CSTPP1: variants seen among roughly 807,000 people sequenced by gnomAD.
The protein encoded by CSTPP1 is UPF0705 protein C11orf49.
At chr11:46,964,179 A>G in the CSTPP1 span, among the ~76,000 whole-genome samples, 7 of 152,130 alleles carry the variant, frequency 4.6e-5, no homozygotes, top group African/African-American at 1.7e-4. Context: ...ACCTTGTGAT[A>G]TGGCAGCTTT....
the CSTPP1 span, among the ~76,000 whole-genome samples, chr11:47,059,741 T>C: frequency 1.3e-5 from 2 of 152,340 alleles, no homozygotes; most frequent in South Asian, 4.1e-4. Context: ...AATGTTTACA[T>C]GTATTCATTC....
the CSTPP1 span, among the ~76,000 whole-genome samples, chr11:47,107,414 G>A: frequency 1.3e-5 from 2 of 152,122 alleles, no homozygotes; most frequent in African/African-American, 4.8e-5. Context: ...AGGATCTTTT[G>A]TTCTGTCCTT....
chr11:47,085,471 T>C, the CSTPP1 span, among the ~76,000 whole-genome samples: 1 of 152,172 alleles, frequency 6.6e-6, no homozygotes, highest in Non-Finnish European at 1.5e-5. Flanking sequence ...AAGAGGATAC[T>C]CTTTGGACTG....
At chr11:47,075,748 G>A in the CSTPP1 span, among the ~76,000 whole-genome samples, 5 of 151,726 alleles carry the variant, frequency 3.3e-5, no homozygotes, top group East Asian at 7.8e-4. Context: ...GTTAAGCCCC[G>A]TCTCTACAAA....
the CSTPP1 span, among the ~76,000 whole-genome samples, chr11:47,163,798 G>A: frequency 1.3e-5 from 2 of 151,444 alleles, no homozygotes; most frequent in Non-Finnish European, 2.9e-5. Flanking sequence ...GCACCACACC[G>A]CCCCCACCCC....
chr11:46,951,409 A>G, the CSTPP1 span, among the ~76,000 whole-genome samples: 2 of 146,250 alleles, frequency 1.4e-5, no homozygotes, highest in Admixed American at 1.4e-4. Flanking sequence ...TGATCCTCCC[A>G]CCTCAGCCTC....
the CSTPP1 span, among the ~76,000 whole-genome samples, chr11:47,145,229 G>A: frequency 1.3e-5 from 2 of 151,988 alleles, no homozygotes; most frequent in African/African-American, 4.8e-5. Flanking sequence ...CTTATGATCT[G>A]CCTGCCTCGG....
the CSTPP1 span, among the ~76,000 whole-genome samples, chr11:47,145,978 G>A: frequency 6.6e-6 from 1 of 151,994 alleles, no homozygotes; most frequent in Non-Finnish European, 1.5e-5. Context: ...CAAGCTCCCA[G>A]GCTCAGGCAG....
At chr11:47,112,621 C>G in the CSTPP1 span, among the ~76,000 whole-genome samples, 1 of 152,140 alleles carries the variant, frequency 6.6e-6, no homozygotes, top group Non-Finnish European at 1.5e-5. Context: ...TGCGCCCAGC[C>G]TATTTGTTTA....
the CSTPP1 span, chr11:47,103,932 G>T: frequency 6.6e-6 from 1 of 152,140 alleles, no homozygotes; most frequent in African/African-American, 2.4e-5. Flanking sequence ...CTCCCAAAGT[G>T]CTGGGATTAC....
the CSTPP1 span, among the ~76,000 whole-genome samples, chr11:47,031,481 C>G: frequency 6.6e-6 from 1 of 152,082 alleles, no homozygotes; most frequent in Non-Finnish European, 1.5e-5. Flanking sequence ...TGCTTTAGCT[C>G]AGGAGTTTGA....
the CSTPP1 span, among the ~76,000 whole-genome samples, chr11:46,960,325 C>T: frequency 6.6e-6 from 1 of 152,060 alleles, no homozygotes; most frequent in Non-Finnish European, 1.5e-5. Context: ...TTAGTGTACT[C>T]ACAAGGTTAT....
At chr11:47,009,231 C>A in the CSTPP1 span, among the ~76,000 whole-genome samples, 30 of 152,086 alleles carry the variant, frequency 2.0e-4, no homozygotes, top group African/African-American at 7.0e-4. Flanking sequence ...AGACAATTGT[C>A]TTTAATAATT....
the CSTPP1 span, among the ~76,000 whole-genome samples, chr11:47,132,059 A>T: frequency 1.3e-5 from 2 of 152,226 alleles, no homozygotes; most frequent in Non-Finnish European, 2.9e-5. Flanking sequence ...TGCAAAGGCC[A>T]ACAAGCCCAT....
At chr11:47,159,608 G>A in the CSTPP1 span, 5 of 456,202 alleles carry the variant, frequency 1.1e-5, no homozygotes, top group South Asian at 7.7e-5. Context: ...TCCTCGTTAT[G>A]ACCACTCTTT....
At chr11:47,019,979 A>G in the CSTPP1 span, among the ~76,000 whole-genome samples, 1 of 152,370 alleles carries the variant, frequency 6.6e-6, no homozygotes, top group South Asian at 2.1e-4. Flanking sequence ...TAGGCTATAT[A>G]TATTTTAAGA....
At chr11:47,060,258 C>CTTTTTT in the CSTPP1 span, among the ~76,000 whole-genome samples, 264 of 99,020 alleles carry the variant, frequency 2.7e-3, no homozygotes, top group African/African-American at 6.5e-3. Flanking sequence ...CTTTTCTTTT[C>CTTTTTT]TTTTTTTTTT....
At chr11:47,161,161 C>A in the CSTPP1 span, 517 of 1,614,236 alleles carry the variant, frequency 3.2e-4, 2 homozygotes, top group African/African-American at 6.1e-3. Context: ...TGATGCACGA[C>A]CCAGCAATGG....
the CSTPP1 span, chr11:46,987,155 C>A: frequency 6.4e-7 from 1 of 1,566,526 alleles, no homozygotes; most frequent in East Asian, 2.2e-5. Flanking sequence ...TGGGATCATT[C>A]TTTTTAAAAT....
Sources: gnomAD v4.1 joint callset for allele counts (sites outside exome capture counted in the v4.1 genomes callset) on GRCh38, gnomAD v4.1.1 for gene constraint, MANE v1.5 for transcripts, NCBI Gene and HGNC (gene_info 2026-07-23, HGNC 2026-07-21) for gene names.